The following TRIM2 variants were observed in gnomAD, a reference collection of about 807,000 sequenced individuals.
The protein encoded by TRIM2 is tripartite motif containing 2.
TRIM2 carries 20 observed loss-of-function variants against 75.2 expected under a neutral mutation model. The ratio of observed to expected loss-of-function variants is 0.27; its 90% CI spans 0.19 to 0.39. TRIM2 has a LOEUF of 0.39. TRIM2 is among the 10% of genes least tolerant of loss of function. The probability of loss-of-function intolerance (pLI) is 1.00; values close to 1 mark genes in which losing one functional copy is unlikely to be tolerated. For missense variants in TRIM2, 660 were observed against 990.8 expected (o/e 0.67, Z 4.48); for synonymous variants, 373 against 388.3 (o/e 0.96, Z 0.46).
At chr4:153,200,724 AAT>A (rs1328920767), upstream of TRIM2, among the ~76,000 whole-genome samples, 3,300 of 137,978 alleles carry the variant, frequency 0.024, 86 homozygotes, top group African/African-American at 0.061. Flanking sequence ...AAGAAAAAAA[AAT>A]ATATATATAT....
chr4:153,248,540 A>G lies in TRIM2; in HGVS notation c.31-21795A>G, dbSNP rs1038755994. On this transcript the variant is annotated intron_variant, in intron 1 of 11. Coordinates refer to ENST00000338700, the MANE Select transcript of TRIM2 (RefSeq NM_015271.5). The surrounding 1 kb of genome is among the most constrained non-coding windows in gnomAD (Gnocchi z 4.0). ...ACTGTGTGTTAGGCATGGGGCTGAC[A>G]GTGACACACTGGATCATTTAATCAT... Among the ~76,000 whole-genome samples the G allele has an allele frequency of 6.6e-6, 1 of 152,196 alleles. No homozygotes were observed. Among genetic ancestry groups the G allele is most frequent in the African/African-American group, 2.4e-5 (1 of 41,454 alleles).
intron 1 of TRIM2, among the ~76,000 whole-genome samples, chr4:153,190,223 C>A (rs1459344979): frequency 2.0e-5 from 3 of 152,208 alleles, no homozygotes; most frequent in African/African-American, 2.4e-5. Flanking sequence ...AAGATGAATT[C>A]TGTATCCAAA....
At chr4:153,322,261 A>T (rs1230254508) in intron 8 of TRIM2, among the ~76,000 whole-genome samples, 1 of 152,118 alleles carries the variant, frequency 6.6e-6, no homozygotes, top group Non-Finnish European at 1.5e-5. Flanking sequence ...TACAAAAAAA[A>T]TTAGCCAGGC....
upstream of TRIM2, among the ~76,000 whole-genome samples, chr4:153,203,100 T>C (rs1343899323): frequency 1.2e-5 from 1 of 82,740 alleles, no homozygotes. Flanking sequence ...CGAGACTCCA[T>C]CTCAAAAAAA....
chr4:153,309,936 T>C (rs895626052), intron 6 of TRIM2: 4 of 152,162 alleles, frequency 2.6e-5, no homozygotes, highest in Admixed American at 2.6e-4. Flanking sequence ...CCAGCATTAA[T>C]TTCATATTAA....
At position 153,257,695 on chromosome 4, in the gene TRIM2, T is replaced by C. The variant is rs887612432; in HGVS notation, c.31-12640T>C. On this transcript the variant is annotated intron_variant, in intron 1 of 11. Transcript: ENST00000338700. ...TGCGTTGTTCTTTTGGATTGCCGCGTAGCTGCAGCGACAGACTTGGGAGGA... is the reference window on the plus strand; with the variant it reads ...TGCGTTGTTCTTTTGGATTGCCGCGCAGCTGCAGCGACAGACTTGGGAGGA... 41 of 886,296 alleles carry C rather than the reference T, an allele frequency of 4.6e-5. No individual in the cohort carries two copies. The African/African-American group carries it at 7.0e-4, about 15-fold the overall frequency. 54.9% of individuals were successfully genotyped at this position (886,296 alleles called of 1,614,324 possible). A position where few individuals can be genotyped will look rare whatever the true frequency, so the allele number is the denominator to read the frequency against.
At chr4:153,158,942 C>G (rs1029630082) in intron 1 of TRIM2, among the ~76,000 whole-genome samples, 3 of 152,126 alleles carry the variant, frequency 2.0e-5, no homozygotes, top group Non-Finnish European at 2.9e-5. Flanking sequence ...TCTTGGAGAC[C>G]GGTGGTTGGG....
chr4:153,280,384 C>CTTTTTTTT lies in TRIM2; in HGVS notation c.453+4263_453+4270dup, dbSNP rs3048122. On this transcript the variant is annotated intron_variant, in intron 3 of 11. Transcript: ENST00000338700. ...TTAATTAAAATACCCCAGCAAATTC[C>CTTTTTTTT]TTTTTTTTTTTTTTTTGCTGGGTCT... 5.2e-3 allele frequency among the ~76,000 whole-genome samples: 612 copies of CTTTTTTTT among 116,910 alleles called. 25 individuals carry two copies. Among genetic ancestry groups the CTTTTTTTT allele is most frequent in the South Asian group, 0.022 (78 of 3,584 alleles). The allele number at this position is 116,910 out of a possible 152,430, so 76.7% of individuals were successfully genotyped here. A position where few individuals can be genotyped will look rare whatever the true frequency, so the allele number is the denominator to read the frequency against.
intron 1 of TRIM2, among the ~76,000 whole-genome samples, chr4:153,217,953 T>C (rs980254962): frequency 4.6e-5 from 7 of 152,186 alleles, no homozygotes; most frequent in Admixed American, 1.3e-4. Flanking sequence ...ATCCCATAAA[T>C]CTAAATTTCA....
At chr4:153,193,813 A>G (rs1311356818) in intron 1 of TRIM2, among the ~76,000 whole-genome samples, 3 of 152,196 alleles carry the variant, frequency 2.0e-5, no homozygotes, top group African/African-American at 7.2e-5. Context: ...TTTCTGGGCA[A>G]GGTGAATTGA....
At position 153,170,084 on chromosome 4, in the gene TRIM2, C is replaced by T. The variant is rs1403734748; in HGVS notation, c.-49+16814C>T. 2.0e-5 allele frequency among the ~76,000 whole-genome samples: 3 copies of T among 151,946 alleles called. No homozygotes were observed. In the East Asian group the frequency reaches 5.8e-4, roughly 29 times the overall value. On this transcript the variant is annotated intron_variant, in intron 1 of 11. Transcript: ENST00000437508. Reference sequence around the variant, plus strand: ...CAAAATACATGCTGAAGTGAATGGCCTGATTGTTGAGGATAACAGTGTTAG... The same window carrying T: ...CAAAATACATGCTGAAGTGAATGGCTTGATTGTTGAGGATAACAGTGTTAG...
rs539011818 is a variant in TRIM2, at chr4:153,289,934, G to T, written c.454-3048G>T. On this transcript the variant is annotated intron_variant, in intron 3 of 11. Transcript: ENST00000338700. ...GAGGGAAGAAGTCTTTTCACATTCT[G>T]TTTTTGGGCTGTCCTCTGGTACATG... Among the ~76,000 whole-genome samples, 43 of 152,314 alleles carry T rather than the reference G, an allele frequency of 2.8e-4. No homozygotes were observed. The East Asian group carries it at 7.9e-3, about 28-fold the overall frequency.
At chr4:153,273,270 C>CATTTTTTTTTTTTTTTTTTTT (rs1757187818) in intron 2 of TRIM2, among the ~76,000 whole-genome samples, 14 of 57,386 alleles carry the variant, frequency 2.4e-4, no homozygotes, top group African/African-American at 9.1e-4. Flanking sequence ...TACAGTCACT[C>CATTTTTTTTTTTTTTTTTTTT]TTTTTTTTTT....
intron 1 of TRIM2, among the ~76,000 whole-genome samples, chr4:153,175,450 C>G (rs539284525): frequency 2.6e-5 from 4 of 152,010 alleles, no homozygotes; most frequent in Non-Finnish European, 5.9e-5. Context: ...TGGCCTTCAC[C>G]GAGACTGGAC....
At chr4:153,225,095 A>G (rs1741753461) in intron 1 of TRIM2, among the ~76,000 whole-genome samples, 1 of 152,212 alleles carries the variant, frequency 6.6e-6, no homozygotes, top group African/African-American at 2.4e-5. Flanking sequence ...TCAACGGGGT[A>G]ATATAGCAAG....
At chr4:153,190,471 T>A (rs935907648) in intron 1 of TRIM2, among the ~76,000 whole-genome samples, 6 of 152,214 alleles carry the variant, frequency 3.9e-5, no homozygotes, top group Non-Finnish European at 8.8e-5. Context: ...GCTAATATTA[T>A]CACCAGTTTA....
rs572674667 is a variant in TRIM2 at position 153,193,280 on chromosome 4, T to C, written c.-49+40010T>C. ...CTGAGTAGCTGGGACTACAGGTGCC[T>C]GCCACCACGCCAGGCTAATTTTTTG... On this transcript the variant is annotated intron_variant, in intron 1 of 11. Transcript: ENST00000437508. Among the ~76,000 whole-genome samples, 8 of 151,758 alleles carry C rather than the reference T, an allele frequency of 5.3e-5. No individual in the cohort carries two copies. In the East Asian group the frequency reaches 5.8e-4, roughly 11 times the overall value.
In TRIM2 at chr4:153,315,537, A is replaced by G. The variant is rs1767401883; in HGVS notation, c.1563A>G (p.Ala521=). 6.2e-7 allele frequency: 1 copy of G among 1,611,538 alleles called. No individual in the cohort carries two copies. Among genetic ancestry groups the G allele is most frequent in the African/African-American group, 1.3e-5 (1 of 74,854 alleles). ...GEFTNLQGVA[A]STNGKILIAD... Reference sequence around the variant, plus strand: ...TTACAAATCTTCAGGGGGTAGCTGCATCTACAAATGGAAAGATATTAATTG... The same window carrying G: ...TTACAAATCTTCAGGGGGTAGCTGCGTCTACAAATGGAAAGATATTAATTG... Residue 521 remains alanine (A), a synonymous_variant, in exon 7 of 12, where the codon GCA becomes GCG. Transcript: ENST00000338700.
At chr4:153,326,372 C>T (rs977136820) in intron 10 of TRIM2, among the ~76,000 whole-genome samples, 9 of 152,128 alleles carry the variant, frequency 5.9e-5, no homozygotes, top group South Asian at 2.1e-4. Context: ...CATAGCCTTT[C>T]GTTGTTGTTT....
Sources: allele counts gnomAD v4.1 joint callset (sites outside exome capture counted in the v4.1 genomes callset), GRCh38; gene constraint gnomAD v4.1.1; non-coding constraint Gnocchi (gnomAD v3.1); transcripts MANE v1.5; gene names NCBI Gene and HGNC (gene_info 2026-07-23, HGNC 2026-07-21).